Variants in RTL4 observed in about 807,000 individuals in gnomAD.
RTL4 encodes retrotransposon Gag like 4, also known as retrotransposon Gag-like protein 4.
RTL4 carries 4 observed loss-of-function variants against 5.3 expected under a neutral mutation model. The observed-to-expected ratio is 0.75, with a 90% CI of 0.37 to 1.72. RTL4 has a LOEUF of 1.72. RTL4 is among the 40% of genes most tolerant of loss of function. RTL4 has a pLI of 0.04. For missense variants in RTL4, 260 were observed against 227.1 expected, an observed-to-expected ratio of 1.14 and a Z score of -0.93; for synonymous variants, 98 against 87.3, an observed-to-expected ratio of 1.12 and a Z score of -0.68.
At chrX:112,224,103 C>A in the RTL4 span, among the ~76,000 whole-genome samples, 5 of 110,702 alleles carry the variant, frequency 4.5e-5, no homozygotes, top group Non-Finnish European at 9.4e-5. Flanking sequence ...CATAATTGGT[C>A]CTTATTGTCA....
chrX:112,390,106 AATATATATATATAT>A, the RTL4 span, among the ~76,000 whole-genome samples: 299 of 17,381 alleles, frequency 0.017, 5 homozygotes, highest in Middle Eastern at 0.069. Flanking sequence ...ATTTATATAT[AATATATATATATAT>A]ATATATATAT....
the RTL4 span, chrX:112,381,673 A>G: frequency 8.3e-7 from 1 of 1,210,420 alleles, no homozygotes; most frequent in Non-Finnish European, 1.1e-6. Context: ...TGCAAAAGGA[A>G]AATATCCAAT....
At chrX:112,342,824 G>A in the RTL4 span, among the ~76,000 whole-genome samples, 1 of 111,949 alleles carries the variant, frequency 8.9e-6, no homozygotes, top group Non-Finnish European at 1.9e-5. Context: ...ACTTTTAGCC[G>A]GACGTGGTGG....
the RTL4 span, among the ~76,000 whole-genome samples, chrX:112,369,686 G>A: frequency 8.9e-6 from 1 of 112,069 alleles, no homozygotes; most frequent in African/African-American, 3.2e-5. Flanking sequence ...CACTATTTAA[G>A]GTGCTTAGGG....
At chrX:112,413,785 A>G in the RTL4 span, among the ~76,000 whole-genome samples, 2 of 110,842 alleles carry the variant, frequency 1.8e-5, no homozygotes, top group Non-Finnish European at 3.8e-5. Context: ...GTTTGGTAGC[A>G]CAACAGGGTG....
the RTL4 span, among the ~76,000 whole-genome samples, chrX:112,442,241 T>A: frequency 1.9e-5 from 2 of 106,129 alleles, no homozygotes; most frequent in African/African-American, 7.3e-5. Context: ...TACATTTACA[T>A]TTCTTTTTTT....
At chrX:112,303,136 A>G in the RTL4 span, among the ~76,000 whole-genome samples, 2 of 111,922 alleles carry the variant, frequency 1.8e-5, no homozygotes, top group African/African-American at 6.5e-5. Context: ...CACGTAGACC[A>G]CATGTTGAGA....
At chrX:112,105,322 G>T in the RTL4 span, among the ~76,000 whole-genome samples, 1 of 111,673 alleles carries the variant, frequency 9.0e-6, no homozygotes, top group African/African-American at 3.2e-5. Flanking sequence ...AGTACAGTGT[G>T]ATAGCTGTAG....
chrX:112,162,357 A>G, the RTL4 span, among the ~76,000 whole-genome samples: 1 of 111,545 alleles, frequency 9.0e-6, no homozygotes, highest in South Asian at 3.8e-4. Flanking sequence ...CACTCTTCTC[A>G]TTGGTACATT....
the RTL4 span, among the ~76,000 whole-genome samples, chrX:112,251,453 A>G: frequency 8.9e-6 from 1 of 112,001 alleles, no homozygotes; most frequent in African/African-American, 3.2e-5. Context: ...ATCCTGCAAA[A>G]GATAACACTA....
chrX:112,280,886 C>T, the RTL4 span, among the ~76,000 whole-genome samples: 1 of 110,942 alleles, frequency 9.0e-6, no homozygotes, highest in Non-Finnish European at 1.9e-5. Flanking sequence ...GACAAATACA[C>T]ATTGTGTATA....
exon 1 of RTL4, chrX:112,455,913 C>A: frequency 2.7e-6 from 1 of 363,742 alleles, no homozygotes; most frequent in Non-Finnish European, 4.8e-6. Context: ...TCCAAGAGCA[C>A]CAAAAACCTG....
At chrX:112,369,483 A>C in the RTL4 span, among the ~76,000 whole-genome samples, 1 of 111,155 alleles carries the variant, frequency 9.0e-6, no homozygotes, top group African/African-American at 3.3e-5. Context: ...TCCTTACCTC[A>C]GGTCTTCACA....
At chrX:112,356,353 T>A in the RTL4 span, among the ~76,000 whole-genome samples, 3 of 111,439 alleles carry the variant, frequency 2.7e-5, no homozygotes, top group Admixed American at 2.9e-4. Context: ...TGATTTGTAA[T>A]GCACTTTCCT....
the RTL4 span, among the ~76,000 whole-genome samples, chrX:112,085,840 G>A: frequency 8.3e-4 from 93 of 111,915 alleles, 1 homozygote; most frequent in East Asian, 0.015. Context: ...TGAATATTTT[G>A]TGAGGAAACG....
At chrX:112,448,692 T>C in the RTL4 span, among the ~76,000 whole-genome samples, 1,297 of 111,275 alleles carry the variant, frequency 0.012, 9 homozygotes, top group Non-Finnish European at 0.018. Flanking sequence ...CCCATCCCCA[T>C]CCTCCCAACT....
At chrX:112,291,401 CACACACACAT>C in the RTL4 span, among the ~76,000 whole-genome samples, 2 of 107,934 alleles carry the variant, frequency 1.9e-5, no homozygotes, top group Non-Finnish European at 3.8e-5. Flanking sequence ...CACACACACA[CACACACACAT>C]GCACACATTG....
At chrX:112,321,417 T>C in the RTL4 span, among the ~76,000 whole-genome samples, 6 of 107,976 alleles carry the variant, frequency 5.6e-5, no homozygotes, top group Admixed American at 6.0e-4. Context: ...GTGCCTGTAG[T>C]CCCAGCTACT....
the RTL4 span, among the ~76,000 whole-genome samples, chrX:112,306,771 C>T: frequency 9.0e-6 from 1 of 111,375 alleles, no homozygotes; most frequent in African/African-American, 3.3e-5. Flanking sequence ...CAAAGTCTTC[C>T]CACAGTATTC....
Sources: allele counts gnomAD v4.1 joint callset (sites outside exome capture counted in the v4.1 genomes callset), GRCh38; gene constraint gnomAD v4.1.1; transcripts MANE v1.5; gene names NCBI Gene and HGNC (gene_info 2026-07-23, HGNC 2026-07-21).